The following OPRM1 variants were observed in gnomAD, a reference collection of about 807,000 sequenced individuals.
OPRM1 encodes the protein opioid receptor mu 1.
OPRM1 carries 27 observed loss-of-function variants against 31.8 expected under a neutral mutation model. That is an observed-to-expected ratio of 0.85 (90% CI 0.63 to 1.17). OPRM1 has a LOEUF of 1.17. OPRM1 is among the 50% of genes most tolerant of loss of function. The probability of loss-of-function intolerance (pLI) is 0.00; values close to 1 mark genes in which losing one functional copy is unlikely to be tolerated. For synonymous variants in OPRM1, 196 were observed against 189.9 expected (o/e 1.03, Z -0.26); for missense variants, 536 against 511.1 (o/e 1.05, Z -0.47).
chr6:154,045,008 T>A (rs1583204844), intron 1 of OPRM1, among the ~76,000 whole-genome samples: 1 of 152,186 alleles, frequency 6.6e-6, no homozygotes, highest in East Asian at 1.9e-4. Context: ...GTGGATCACC[T>A]GAGGTCAGGA....
At chr6:154,178,099 T>A (rs1800505916) in intron 3 of OPRM1, among the ~76,000 whole-genome samples, 3 of 117,238 alleles carry the variant, frequency 2.6e-5, no homozygotes, top group Admixed American at 2.5e-4. Context: ...TGAGGACACA[T>A]GGACACAGGG....
intron 3 of OPRM1, among the ~76,000 whole-genome samples, chr6:154,218,769 C>A (rs927111714): frequency 6.6e-6 from 1 of 152,160 alleles, no homozygotes; most frequent in Non-Finnish European, 1.5e-5. Flanking sequence ...CAGGCCCAGA[C>A]AAAATGGACC....
At chr6:154,180,414 A>ATATTT (rs1241250621) in intron 3 of OPRM1, among the ~76,000 whole-genome samples, 108 of 65,244 alleles carry the variant, frequency 1.7e-3, no homozygotes, top group African/African-American at 4.7e-3. Context: ...ATATATATAT[A>ATATTT]TTTTTTTTTT....
intron 3 of OPRM1, among the ~76,000 whole-genome samples, chr6:154,195,744 C>A (rs1776562922): frequency 6.6e-6 from 1 of 151,892 alleles, no homozygotes; most frequent in Non-Finnish European, 1.5e-5. Flanking sequence ...CCCACTCAGC[C>A]CATTAGGTGT....
rs115299118 is a variant in OPRM1 at position 154,225,908 on chromosome 6, C to T, written c.1165-20785C>T. On this transcript the variant is annotated intron_variant, in intron 3 of 3. Transcript: ENST00000337049. Reference sequence around the variant, plus strand: ...ACTGTAGAGACCAAAACTCCACCCGCGTTGCTAAATCCCATCTACTGTTTT... The same window carrying T: ...ACTGTAGAGACCAAAACTCCACCCGTGTTGCTAAATCCCATCTACTGTTTT... Among the ~76,000 whole-genome samples, 1,118 of 152,290 alleles carry T rather than the reference C, an allele frequency of 7.3e-3. 11 individuals are homozygous for T. Among genetic ancestry groups the T allele is most frequent in the Middle Eastern group, 0.024 (7 of 294 alleles).
upstream of OPRM1, chr6:154,039,031 C>T (rs1583168957): frequency 9.1e-7 from 1 of 1,100,236 alleles, no homozygotes; most frequent in African/African-American, 1.6e-5. Context: ...CAATGTATTC[C>T]CTGCCAGATT....
intron 3 of OPRM1, among the ~76,000 whole-genome samples, chr6:154,098,040 G>T (rs1158800370): frequency 6.6e-6 from 1 of 152,086 alleles, no homozygotes; most frequent in Non-Finnish European, 1.5e-5. Context: ...GACCAACCTG[G>T]CCAACATAGC....
At chr6:154,181,278 G>C (rs1006907342) in intron 3 of OPRM1, among the ~76,000 whole-genome samples, 6 of 152,076 alleles carry the variant, frequency 3.9e-5, no homozygotes, top group African/African-American at 1.4e-4. Flanking sequence ...TCCTATTTTT[G>C]TTCCTGTTGG....
chr6:154,047,130 C>A (rs959198092), intron 1 of OPRM1, among the ~76,000 whole-genome samples: 1 of 152,152 alleles, frequency 6.6e-6, no homozygotes, highest in Non-Finnish European at 1.5e-5. Context: ...AGAGTACAGG[C>A]AAGTGGTTAA....
chr6:154,034,288 T>G (rs1779170077), upstream of OPRM1, among the ~76,000 whole-genome samples: 1 of 152,224 alleles, frequency 6.6e-6, no homozygotes, highest in Non-Finnish European at 1.5e-5. Flanking sequence ...CTCACGCCTG[T>G]AATCCCAGCA....
intron 1 of OPRM1, among the ~76,000 whole-genome samples, chr6:154,077,192 T>C (rs1788046817): frequency 6.6e-6 from 1 of 152,122 alleles, no homozygotes; most frequent in Admixed American, 6.5e-5. Flanking sequence ...CTATTTTCCC[T>C]GCTTCTTCAA....
intron 2 of OPRM1, 89 bp downstream of exon 2, chr6:154,090,267 C>T (rs1791777688): frequency 1.2e-6 from 1 of 819,062 alleles, no homozygotes; most frequent in South Asian, 1.7e-5. Flanking sequence ...ATGGAGTGCC[C>T]CATTGTCTTA....
intron 3 of OPRM1, among the ~76,000 whole-genome samples, chr6:154,100,274 TTATGACATATATCATAATATATA>T (rs1794612639): frequency 6.7e-6 from 1 of 149,582 alleles, no homozygotes; most frequent in Admixed American, 6.7e-5. Flanking sequence ...TATTATCATA[TTATGACATATATCATAATATATA>T]TCAAAAAGTC....
At chr6:154,139,860 C>A (rs1798151807) in intron 3 of OPRM1, among the ~76,000 whole-genome samples, 1 of 152,130 alleles carries the variant, frequency 6.6e-6, no homozygotes, top group African/African-American at 2.4e-5. Flanking sequence ...ACATGATCTG[C>A]AGACCAAGAT....
intron 3 of OPRM1, among the ~76,000 whole-genome samples, chr6:154,142,433 A>G (rs1337207760): frequency 6.6e-6 from 1 of 152,092 alleles, no homozygotes; most frequent in African/African-American, 2.4e-5. Context: ...AAAAGGCGAG[A>G]ACACCTCAGG....
intron 1 of OPRM1, among the ~76,000 whole-genome samples, chr6:154,084,015 G>C (rs78292223): frequency 1.3e-5 from 2 of 150,876 alleles, no homozygotes; most frequent in African/African-American, 4.9e-5. Context: ...CACAGGAATG[G>C]AAACGGCCAC....
rs534808385 is a variant in OPRM1, at chr6:154,031,458, G to C, written c.1-7703G>C. Among the ~76,000 whole-genome samples, 274 of 152,260 alleles carry C rather than the reference G, an allele frequency of 1.8e-3. 2 individuals are homozygous for C. The highest frequency in any genetic ancestry group is 5.8e-3 in the African/African-American group (239 of 41,540). On this transcript the variant is annotated intron_variant, in intron 1 of 5. Transcript: ENST00000434900. ...TGAGTCAAGCAATGTTTATTGGCTG[G>C]GTGCGGTGGCTCACGCCTGTAATCC...
At chr6:154,214,171 G>T (rs1488460592) in intron 3 of OPRM1, 1 of 1,210,722 alleles carries the variant, frequency 8.3e-7, no homozygotes, top group Non-Finnish European at 1.2e-6. Flanking sequence ...GTTTCAACCT[G>T]TTCTAATATT....
At chr6:154,242,260 G>C (rs1780658005) in intron 3 of OPRM1, among the ~76,000 whole-genome samples, 1 of 152,086 alleles carries the variant, frequency 6.6e-6, no homozygotes, top group Non-Finnish European at 1.5e-5. Flanking sequence ...CGGAACCTTG[G>C]GGCCTTTCTA....
Sources: gnomAD v4.1 joint callset for allele counts (sites outside exome capture counted in the v4.1 genomes callset) on GRCh38, gnomAD v4.1.1 for gene constraint, MANE v1.5 for transcripts, NCBI Gene and HGNC (gene_info 2026-07-23, HGNC 2026-07-21) for gene names.